Variants in MBNL2 observed in about 807,000 individuals in gnomAD.
MBNL2 encodes the protein muscleblind-like protein 2.
Under a neutral mutation model 41.9 loss-of-function variants are expected in MBNL2, and 17 were observed. The ratio of observed to expected loss-of-function variants is 0.41; its 90% CI spans 0.28 to 0.61. The LOEUF (loss-of-function observed/expected upper bound fraction) is 0.61. Ranked by LOEUF, MBNL2 falls within the 20% of genes least tolerant of loss-of-function variation. MBNL2 has a pLI of 0.35. For synonymous variants in MBNL2, 195 were observed against 182.9 expected, an observed-to-expected ratio of 1.07 and a Z score of -0.53; for missense variants, 336 against 505.6, an observed-to-expected ratio of 0.66 and a Z score of 3.22.
the MBNL2 span, among the ~76,000 whole-genome samples, chr13:97,155,905 T>C: frequency 1.5e-5 from 2 of 136,636 alleles, no homozygotes; most frequent in Non-Finnish European, 3.1e-5. Flanking sequence ...CCTTTGGGTA[T>C]ATACCCAGTA....
chr13:97,268,318 T>C lies in MBNL2; in HGVS notation c.-604-7314T>C, dbSNP rs529005968. ...GGTTTCACCATGCTTTCCAGGCTGG[T>C]CTGGAACTCCTGACTTCAAATGATC... On this transcript the variant is annotated intron_variant, in intron 1 of 8. Transcript: ENST00000679496. This position sits in a 1 kb window ranked among gnomAD's most constrained non-coding sequence, Gnocchi z 4.6. Among the ~76,000 whole-genome samples, 1 of 152,288 alleles carries C rather than the reference T, an allele frequency of 6.6e-6. No individual in the cohort carries two copies. The highest frequency in any genetic ancestry group is 1.9e-4 in the East Asian group (1 of 5,180).
chr13:97,178,301 G>A, the MBNL2 span, among the ~76,000 whole-genome samples: 28 of 152,104 alleles, frequency 1.8e-4, 1 homozygote, highest in African/African-American at 6.5e-4. Context: ...TATCTGAGAC[G>A]AATATACAGT....
At chr13:97,385,288 T>A (rs1050375007) in intron 8 of MBNL2, among the ~76,000 whole-genome samples, 1 of 152,194 alleles carries the variant, frequency 6.6e-6, no homozygotes, top group African/African-American at 2.4e-5. Flanking sequence ...CAGCCCTGCT[T>A]GGAAGTACCC....
intron 8 of MBNL2, among the ~76,000 whole-genome samples, chr13:97,374,583 G>A (rs1463512779): frequency 6.6e-6 from 1 of 151,758 alleles, no homozygotes; most frequent in Admixed American, 6.6e-5. Context: ...TAGTAGAGAC[G>A]GGGTTTACCA....
Position 97,356,837 on chromosome 13 carries a change from A to G in MBNL2, c.846A>G (p.Ala282=), listed in dbSNP as rs755664209. ...TAKAMKRPLE[A]TVDLAFPPGA... ...AAGCAATGAAGCGACCTCTCGAAGC[A>G]ACTGTAGACCTGGTACTTTGACCTT... Residue 282 remains alanine (A), a synonymous_variant, in exon 6 of 9, where the codon GCA becomes GCG. Transcript: ENST00000679496. 2.2e-6 allele frequency: 3 copies of G among 1,362,924 alleles called. No individual in the cohort carries two copies. Among genetic ancestry groups the G allele is most frequent in the Non-Finnish European group, 2.9e-6 (3 of 1,018,070 alleles). The allele number at this position is 1,362,924 out of a possible 1,614,324, so 84.4% of individuals were successfully genotyped here. A position where few individuals can be genotyped will look rare whatever the true frequency, so the allele number is the denominator to read the frequency against.
chr13:97,206,149 G>A, the MBNL2 span, among the ~76,000 whole-genome samples: 5 of 152,180 alleles, frequency 3.3e-5, no homozygotes, highest in African/African-American at 1.2e-4. Flanking sequence ...CTACAGTAAT[G>A]AATCAGAGAG....
At chr13:97,391,197 C>A in intron 8 of MBNL2, 125 bp from the exon 9 acceptor site, 1 of 612,938 alleles carries the variant, frequency 1.6e-6, no homozygotes, top group South Asian at 2.0e-5. Flanking sequence ...ATAATTGCAT[C>A]AAAATAATGA....
intron 8 of MBNL2, among the ~76,000 whole-genome samples, chr13:97,381,659 T>C (rs1424971775): frequency 6.6e-6 from 1 of 151,970 alleles, no homozygotes; most frequent in Non-Finnish European, 1.5e-5. Flanking sequence ...CCCTTGTTGC[T>C]TTAATTTTTT....
At chr13:97,260,632 G>A (rs1167688009) in intron 1 of MBNL2, among the ~76,000 whole-genome samples, 1 of 152,170 alleles carries the variant, frequency 6.6e-6, no homozygotes, top group Non-Finnish European at 1.5e-5. Context: ...ATCAGATGTA[G>A]GGTATCGGAG....
In MBNL2 at chr13:97,341,047, A is replaced by G. The variant is rs567808863; in HGVS notation, c.340-1969A>G. ...AGAATTTGCTTCCAGAGAAAATAAA[A>G]ATGGCAGTATGGGGGAGGGCTCTTT... On this transcript the variant is annotated intron_variant, in intron 3 of 8. Coordinates refer to ENST00000679496, the MANE Select transcript of MBNL2 (RefSeq NM_001382683.1). Among the ~76,000 whole-genome samples, 89 of 152,260 alleles carry G rather than the reference A, an allele frequency of 5.8e-4. 2 individuals carry two copies. In the South Asian group the frequency reaches 0.017, roughly 29 times the overall value.
At chr13:97,283,755 C>T (rs911853385) in intron 2 of MBNL2, among the ~76,000 whole-genome samples, 1 of 152,014 alleles carries the variant, frequency 6.6e-6, no homozygotes, top group African/African-American at 2.4e-5. Flanking sequence ...ACAAATTTTC[C>T]CAGAGTCAAG....
intron 8 of MBNL2, among the ~76,000 whole-genome samples, chr13:97,388,314 CATATAT>C (rs34389348): frequency 1.4e-4 from 20 of 139,698 alleles, no homozygotes; most frequent in African/African-American, 4.8e-4. Flanking sequence ...TACATACATA[CATATAT>C]ATATATATAT....
intron 1 of MBNL2, among the ~76,000 whole-genome samples, chr13:97,232,857 G>GTGTGTT (rs2042577341): frequency 7.7e-6 from 1 of 129,174 alleles, no homozygotes; most frequent in African/African-American, 2.8e-5. Context: ...CGCTATGTGT[G>GTGTGTT]TGTGTGTGTG....
chr13:97,294,526 A>G (rs1051066344), intron 2 of MBNL2, among the ~76,000 whole-genome samples: 10 of 152,216 alleles, frequency 6.6e-5, no homozygotes, highest in Admixed American at 6.5e-4. Flanking sequence ...ACAGACCTTC[A>G]TGTTATTTAC....
At chr13:97,264,118 C>T (rs192979366) in intron 1 of MBNL2, among the ~76,000 whole-genome samples, 112 of 151,032 alleles carry the variant, frequency 7.4e-4, no homozygotes, top group African/African-American at 2.6e-3. Flanking sequence ...AGCTGGGGCT[C>T]GGGACCTCAT....
intron 2 of MBNL2, among the ~76,000 whole-genome samples, chr13:97,289,734 G>A (rs1364111381): frequency 6.6e-6 from 1 of 152,166 alleles, no homozygotes; most frequent in Non-Finnish European, 1.5e-5. Flanking sequence ...CAGCCCAATG[G>A]GGTAATCAAC....
chr13:97,152,630 C>A, the MBNL2 span, among the ~76,000 whole-genome samples: 4 of 152,168 alleles, frequency 2.6e-5, no homozygotes, highest in African/African-American at 9.7e-5. Context: ...TCAATGCCTA[C>A]CTTCAAAATT....
At chr13:97,152,464 T>TA in the MBNL2 span, among the ~76,000 whole-genome samples, 3 of 151,874 alleles carry the variant, frequency 2.0e-5, no homozygotes, top group Non-Finnish European at 4.4e-5. Flanking sequence ...ACACAATGGA[T>TA]AAAAAAGGCC....
At chr13:97,352,045 TAAATAAATAAATAAA>T (rs2062536338) in intron 5 of MBNL2, among the ~76,000 whole-genome samples, 1 of 150,206 alleles carries the variant, frequency 6.7e-6, no homozygotes, top group East Asian at 1.9e-4. Context: ...TATAAATAAA[TAAATAAATAAATAAA>T]TAATAAATAA....
Sources: allele counts gnomAD v4.1 joint callset (sites outside exome capture counted in the v4.1 genomes callset), GRCh38; gene constraint gnomAD v4.1.1; non-coding constraint Gnocchi (gnomAD v3.1); transcripts MANE v1.5; gene names NCBI Gene and HGNC (gene_info 2026-07-23, HGNC 2026-07-21).